The following MANBA variants were observed in gnomAD, a reference collection of about 807,000 sequenced individuals.
MANBA encodes the protein mannosidase beta, also known as beta-mannosidase.
MANBA carries 83 observed loss-of-function variants against 111.1 expected under a neutral mutation model. The observed-to-expected ratio is 0.75, with a 90% CI of 0.63 to 0.90. The LOEUF (loss-of-function observed/expected upper bound fraction) is 0.90, where lower values mean the gene tolerates loss of function less well. Among genes scored for constraint, MANBA ranks in the 40% least tolerant of loss-of-function variants. MANBA has a pLI of 0.00. For missense variants in MANBA, 1,036 were observed against 1,069.0 expected, an observed-to-expected ratio of 0.97 and a Z score of 0.43; for synonymous variants, 370 against 378.7, an observed-to-expected ratio of 0.98 and a Z score of 0.27.
At chr4:102,689,273 C>T (rs1732360539) in intron 7 of MANBA, among the ~76,000 whole-genome samples, 1 of 151,202 alleles carries the variant, frequency 6.6e-6, no homozygotes, top group Non-Finnish European at 1.5e-5. Flanking sequence ...TGCTTGAACC[C>T]AGGAGGTGGA....
At chr4:102,637,012 C>G (rs4579121) in intron 14 of MANBA, among the ~76,000 whole-genome samples, 83,452 of 151,830 alleles carry the variant, frequency 0.55, 23,364 homozygotes, top group African/African-American at 0.63. Flanking sequence ...GAGATCTGAT[C>G]GTTTTATAAA....
chr4:102,680,180 T>C (rs1731899854), intron 7 of MANBA, among the ~76,000 whole-genome samples: 1 of 152,196 alleles, frequency 6.6e-6, no homozygotes, highest in Non-Finnish European at 1.5e-5. Flanking sequence ...GTTGATTTCC[T>C]TATATTTTGT....
intron 14 of MANBA, among the ~76,000 whole-genome samples, chr4:102,636,945 TG>T (rs1055828168): frequency 6.6e-6 from 1 of 152,202 alleles, no homozygotes; most frequent in Admixed American, 6.5e-5. Context: ...AGGAGGTAAC[TG>T]AACCATGGGG....
chr4:102,664,783 T>C lies in MANBA; in HGVS notation c.1387A>G (p.Met463Val). The change falls in exon 11 of 17, where the codon ATG becomes GTG. Residue 463 changes from methionine to valine, a missense_variant. Physicochemically the swap from Met to Val is conservative, Grantham distance 21 (BLOSUM62 1). Coordinates refer to ENST00000647097, the MANE Select transcript of MANBA (RefSeq NM_005908.4). ...AAACTGATATGATACCAATTCATCA[T>C]CAGCGCCTCCTCATTTTCATTATTG... The part of the protein sequence containing the change: ...SGNNENEEAL[M>V]MNWYHISFTD... 2 of 1,610,246 alleles carry C rather than the reference T, an allele frequency of 1.2e-6. No homozygotes were observed. The highest frequency in any genetic ancestry group is 1.7e-6 in the Non-Finnish European group (2 of 1,176,410).
rs576378215 is a variant in MANBA, at chr4:102,690,779, A to C, written c.674-8T>G. 7.7e-7 allele frequency: 1 copy of C among 1,301,440 alleles called. No individual in the cohort carries two copies. The highest frequency in any genetic ancestry group is 2.5e-5 in the East Asian group (1 of 39,240). The allele number at this position is 1,301,440 out of a possible 1,614,324, so 80.6% of individuals were successfully genotyped here. A position where few individuals can be genotyped will look rare whatever the true frequency, so the allele number is the denominator to read the frequency against. On this transcript the variant is annotated splice_region_variant and splice_polypyrimidine_tract_variant and intron_variant, in intron 5 of 16. Transcript: ENST00000647097. ...ACTCCTGGGCACTCTTATCTAAAAT[A>C]TAAAAAGAAAAAGAAATATATATAT...
intron 8 of MANBA, chr4:102,672,084 A>G (rs1026182348): frequency 2.5e-6 from 1 of 398,568 alleles, no homozygotes; most frequent in Non-Finnish European, 4.4e-6. Flanking sequence ...TTTGAAAAGG[A>G]AAAAGATAGA....
chr4:102,687,567 C>A (rs1732274105), intron 7 of MANBA, among the ~76,000 whole-genome samples: 1 of 152,130 alleles, frequency 6.6e-6, no homozygotes. Flanking sequence ...AGTCCTTGGG[C>A]CTTCACGTTC....
At chr4:102,715,329 G>C (rs970857333) in intron 4 of MANBA, among the ~76,000 whole-genome samples, 1 of 152,096 alleles carries the variant, frequency 6.6e-6, no homozygotes, top group Admixed American at 6.5e-5. Context: ...TCAGCCTTGA[G>C]TCAACTTGAG....
chr4:102,661,461 T>C (rs1418431524), intron 11 of MANBA, among the ~76,000 whole-genome samples: 1 of 152,108 alleles, frequency 6.6e-6, no homozygotes, highest in Non-Finnish European at 1.5e-5. Flanking sequence ...TCAGTAGATG[T>C]TGGGTGAATT....
chr4:102,682,836 G>C (rs1732046635), intron 7 of MANBA: 2 of 152,134 alleles, frequency 1.3e-5, no homozygotes, highest in African/African-American at 4.8e-5. Context: ...CCTTCGGAAG[G>C]AACACAGCTC....
intron 7 of MANBA, among the ~76,000 whole-genome samples, chr4:102,683,520 A>C (rs1033164888): frequency 6.6e-6 from 1 of 152,206 alleles, no homozygotes; most frequent in South Asian, 2.1e-4. Context: ...GCATTCAAAA[A>C]TATGTATTAG....
chr4:102,680,800 T>C (rs902454636), intron 7 of MANBA, among the ~76,000 whole-genome samples: 4 of 152,242 alleles, frequency 2.6e-5, no homozygotes, highest in Non-Finnish European at 5.9e-5. Flanking sequence ...GAAGCTATTT[T>C]CTGTGCATTC....
intron 10 of MANBA, chr4:102,665,068 T>C (rs1731159734): frequency 1.8e-6 from 1 of 543,726 alleles, no homozygotes; most frequent in Non-Finnish European, 3.3e-6. Flanking sequence ...CACTGATACA[T>C]AGGGTTTCTC....
intron 1 of MANBA, among the ~76,000 whole-genome samples, chr4:102,759,194 T>C (rs996797252): frequency 7.9e-5 from 12 of 151,014 alleles, no homozygotes; most frequent in East Asian, 1.9e-4. Context: ...GGTCTTGAAC[T>C]CTTGGCCTCA....
At chr4:102,689,370 ATATATATATGTGTGTGTG>A in intron 7 of MANBA, among the ~76,000 whole-genome samples, 186 bp downstream of exon 7, 1 of 93,058 alleles carries the variant, frequency 1.1e-5, no homozygotes, top group Non-Finnish European at 2.5e-5. Context: ...ATATATATAT[ATATATATATGTGTGTGTG>A]TATATATATG....
chr4:102,745,856 C>T (rs570219350), intron 1 of MANBA, among the ~76,000 whole-genome samples: 1 of 152,276 alleles, frequency 6.6e-6, no homozygotes, highest in African/African-American at 2.4e-5. Flanking sequence ...AAAACTCAAG[C>T]AGTTCTTTTC....
intron 1 of MANBA, among the ~76,000 whole-genome samples, chr4:102,749,738 T>C (rs778769773): frequency 6.6e-6 from 1 of 152,184 alleles, no homozygotes; most frequent in Non-Finnish European, 1.5e-5. Context: ...TATGAACAAG[T>C]GCACATGAAA....
intron 5 of MANBA, among the ~76,000 whole-genome samples, chr4:102,702,282 T>C (rs1036738142): frequency 6.6e-6 from 1 of 151,830 alleles, no homozygotes. Context: ...TCAAAGTTTT[T>C]AACTTCTTTG....
intron 1 of MANBA, 126 bp from the exon 2 acceptor site, chr4:102,726,809 A>T (rs111812227): frequency 1.5e-6 from 1 of 652,610 alleles, no homozygotes. Context: ...CTTTTAGCCT[A>T]GTAGTACAAA....
Sources: gnomAD v4.1 joint callset for allele counts (sites outside exome capture counted in the v4.1 genomes callset) on GRCh38, gnomAD v4.1.1 for gene constraint, MANE v1.5 for transcripts, NCBI Gene and HGNC (gene_info 2026-07-23, HGNC 2026-07-21) for gene names.